VIPR2: variants seen among roughly 807,000 people sequenced by gnomAD.
VIPR2 encodes vasoactive intestinal peptide receptor 2.
VIPR2 carries 48 observed loss-of-function variants against 58.0 expected under a neutral mutation model. That is an observed-to-expected ratio of 0.83 (90% CI 0.66 to 1.05). VIPR2 has a LOEUF of 1.05. VIPR2 is among the 50% of genes least tolerant of loss of function. The pLI is 0.00. For missense variants in VIPR2, 534 were observed against 558.0 expected (o/e 0.96, Z 0.43); for synonymous variants, 243 against 235.2 (o/e 1.03, Z -0.30).
intron 5 of VIPR2, among the ~76,000 whole-genome samples, chr7:159,046,525 C>T (rs1324074163): frequency 6.6e-6 from 1 of 151,746 alleles, no homozygotes; most frequent in Non-Finnish European, 1.5e-5. Flanking sequence ...TTCCAGGAGC[C>T]GGAGGGTATG....
At chr7:159,091,537 C>T (rs1347217657) in intron 4 of VIPR2, among the ~76,000 whole-genome samples, 1 of 152,234 alleles carries the variant, frequency 6.6e-6, no homozygotes, top group Admixed American at 6.5e-5. Flanking sequence ...CTGCAGCCCT[C>T]CTTGCCTGCT....
At chr7:159,108,381 G>A (rs191999434) in intron 3 of VIPR2, among the ~76,000 whole-genome samples, 13 of 152,302 alleles carry the variant, frequency 8.5e-5, no homozygotes, top group East Asian at 1.9e-4. Context: ...CATAGCTCAC[G>A]TTTTTGTGAT....
chr7:159,116,643 T>C (rs1389257589), intron 2 of VIPR2, among the ~76,000 whole-genome samples: 1 of 152,216 alleles, frequency 6.6e-6, no homozygotes, highest in Non-Finnish European at 1.5e-5. Flanking sequence ...CCTTCCGACA[T>C]TTCTGAGGCT....
At chr7:159,078,131 A>T (rs1335662991) in intron 4 of VIPR2, among the ~76,000 whole-genome samples, 2 of 152,222 alleles carry the variant, frequency 1.3e-5, no homozygotes, top group Non-Finnish European at 2.9e-5. Context: ...ATTGCCTGGG[A>T]CATTCAAACT....
At position 159,043,511 on chromosome 7, in the gene VIPR2, T is replaced by TG. The variant is rs201428743; in HGVS notation, c.456-336dup. ...CAAAGGAGGTCAGTGAAAATGGTGG[T>TG]GTAGGGACCATTCAAGAAACAACAA... is the stretch of plus-strand genomic sequence containing the variant. On this transcript the variant is annotated intron_variant, in intron 5 of 12. Coordinates refer to ENST00000262178, the MANE Select transcript of VIPR2 (RefSeq NM_003382.5). Among the ~76,000 whole-genome samples, 354 of 152,210 alleles carry TG rather than the reference T, an allele frequency of 2.3e-3. 2 individuals carry two copies. Among genetic ancestry groups the TG allele is most frequent in the African/African-American group, 7.4e-3 (309 of 41,522 alleles).
chr7:159,122,453 G>A (rs2129496921), intron 2 of VIPR2, among the ~76,000 whole-genome samples: 1 of 152,312 alleles, frequency 6.6e-6, no homozygotes, highest in African/African-American at 2.4e-5. Flanking sequence ...CTTCTGCGGA[G>A]CTCACCTGGT....
intron 2 of VIPR2, among the ~76,000 whole-genome samples, chr7:159,121,527 A>G (rs1181863830): frequency 6.6e-6 from 1 of 152,218 alleles, no homozygotes; most frequent in African/African-American, 2.4e-5. Flanking sequence ...CGTGGGATAC[A>G]CAGAAGTTAC....
chr7:159,038,939 C>T (rs902712815), intron 6 of VIPR2, among the ~76,000 whole-genome samples: 3 of 152,078 alleles, frequency 2.0e-5, no homozygotes, highest in East Asian at 3.9e-4. Context: ...CAGATGAATG[C>T]GGTGTTTTAG....
chr7:159,061,021 G>A (rs1402246331), intron 4 of VIPR2, among the ~76,000 whole-genome samples: 1 of 152,196 alleles, frequency 6.6e-6, no homozygotes, highest in Non-Finnish European at 1.5e-5. Flanking sequence ...AGAACATGTG[G>A]TACATACAGA....
At position 159,096,766 on chromosome 7, in the gene VIPR2, C is replaced by T; in HGVS notation, c.357+6991G>A. 1.4e-6 allele frequency: 2 copies of T among 1,405,932 alleles called. No individual in the cohort carries two copies. Among genetic ancestry groups the T allele is most frequent in the South Asian group, 1.7e-5 (1 of 59,104 alleles). The allele number at this position is 1,405,932 out of a possible 1,614,324, so 87.1% of individuals were successfully genotyped here. On this transcript the variant is annotated intron_variant, in intron 4 of 12. Coordinates refer to ENST00000262178, the MANE Select transcript of VIPR2 (RefSeq NM_003382.5). The surrounding 1 kb of genome is among the most constrained non-coding windows in gnomAD (Gnocchi z 5.5). ...ATGATTTCTGCCTGTGGCCAGATTT[C>T]TGCCCCTGCCTGAGGTCAGTCTCGT...
Position 159,028,720 on chromosome 7 carries a change from G to C in VIPR2, c.*1896C>G, listed in dbSNP as rs1045743737. ...CCGCACTGAACCTGGGGTCTGCAGC[G>C]TCCACCTGCCTCCCTCTCGCTCCAC... On this transcript the variant is annotated 3_prime_UTR_variant, in exon 13 of 13. Transcript: ENST00000262178. The C allele has an allele frequency of 1.3e-5, 2 of 153,122 alleles. No individual in the cohort carries two copies. Among genetic ancestry groups the C allele is most frequent in the East Asian group, 3.8e-4 (2 of 5,212 alleles). 9.5% of individuals were successfully genotyped at this position (153,122 alleles called of 1,614,324 possible).
intron 4 of VIPR2, among the ~76,000 whole-genome samples, chr7:159,072,651 T>C (rs576313076): frequency 2.0e-5 from 3 of 152,342 alleles, no homozygotes; most frequent in African/African-American, 7.2e-5. Flanking sequence ...GGTTTTGTAA[T>C]TATTGATGTA....
intron 3 of VIPR2, among the ~76,000 whole-genome samples, chr7:159,108,744 G>A (rs546569210): frequency 6.6e-6 from 1 of 152,178 alleles, no homozygotes; most frequent in Non-Finnish European, 1.5e-5. Context: ...CCATGCCATC[G>A]ACTAGGAAAA....
At chr7:159,117,212 G>C (rs1447988574) in intron 2 of VIPR2, 2 of 663,552 alleles carry the variant, frequency 3.0e-6, no homozygotes, top group Non-Finnish European at 2.8e-6. Context: ...TTCCCTAGAA[G>C]GTCCCTTGCC....
chr7:159,062,030 C>A (rs1462934753), intron 4 of VIPR2, among the ~76,000 whole-genome samples: 1 of 152,336 alleles, frequency 6.6e-6, no homozygotes, highest in Non-Finnish European at 1.5e-5. Context: ...GAGCCCCATC[C>A]CGAGGGCCCT....
rs1488461089 is a variant in VIPR2, at chr7:159,028,839, GGTT to G, written c.*1774_*1776del. The G allele has an allele frequency of 1.3e-5, 2 of 152,332 alleles. No homozygotes were observed. Among genetic ancestry groups the G allele is most frequent in the African/African-American group, 4.8e-5 (2 of 41,424 alleles). The allele number at this position is 152,332 out of a possible 1,614,324, so 9.4% of individuals were successfully genotyped here. On this transcript the variant is annotated 3_prime_UTR_variant, in exon 13 of 13. Coordinates refer to ENST00000262178, the MANE Select transcript of VIPR2 (RefSeq NM_003382.5). ...TCCTCTGCGGCCCCCAGAAATGGTGGGTTGTTCTGTAGATCCGACCGCCTCACC... is the reference window on the plus strand; with the variant it reads ...TCCTCTGCGGCCCCCAGAAATGGTGGGTTCTGTAGATCCGACCGCCTCACC...
chr7:159,108,061 C>T (rs1795839519), intron 3 of VIPR2, among the ~76,000 whole-genome samples: 2 of 152,240 alleles, frequency 1.3e-5, no homozygotes, highest in Admixed American at 1.3e-4. Context: ...TGACCCAGCT[C>T]TCCTTACAGG....
At chr7:159,043,294 G>T in intron 5 of VIPR2, 118 bp from the exon 6 acceptor site, 2 of 912,126 alleles carry the variant, frequency 2.2e-6, no homozygotes, top group South Asian at 3.0e-5. Context: ...AAATAAAAGA[G>T]TTGAGGGCAT....
chr7:159,070,821 G>A (rs775432090), intron 4 of VIPR2, among the ~76,000 whole-genome samples: 1 of 152,214 alleles, frequency 6.6e-6, no homozygotes, highest in Non-Finnish European at 1.5e-5. Context: ...ATTTAAGAAG[G>A]CTTATTTGGT....
Sources: gnomAD v4.1 joint callset for allele counts (sites outside exome capture counted in the v4.1 genomes callset) on GRCh38, gnomAD v4.1.1 for gene constraint, Gnocchi (gnomAD v3.1) non-coding constraint, MANE v1.5 for transcripts, NCBI Gene and HGNC (gene_info 2026-07-23, HGNC 2026-07-21) for gene names.